ZNF574: variants seen among roughly 807,000 people sequenced by gnomAD.
ZNF574 encodes the protein zinc finger protein 574.
ZNF574 carries 25 observed loss-of-function variants against 56.6 expected under a neutral mutation model. That is an observed-to-expected ratio of 0.44 (90% CI 0.32 to 0.62). The LOEUF is 0.62. ZNF574 is among the 20% of genes least tolerant of loss of function. ZNF574 has a pLI of 0.04. For missense variants in ZNF574, 1,065 were observed against 1,218.9 expected (o/e 0.87, Z 1.88); for synonymous variants, 543 against 492.1 (o/e 1.10, Z -1.37).
In ZNF574 at chr19:42,079,047, G is replaced by C. The variant is rs376853455; in HGVS notation, c.441G>C (p.Thr147=). Residue 147 remains threonine (T), a synonymous_variant, in exon 2 of 2, where the codon ACG becomes ACC. Transcript: ENST00000359044. The surrounding 1 kb of genome is among the most constrained non-coding windows in gnomAD (Gnocchi z 4.3). ...SQELWLNHRQ[T]HLRATPTKAP... ...AGCTCTGGCTGAACCACCGGCAGAC[G>C]CACCTCCGGGCCACACCCACCAAGG... 1 of 1,614,034 alleles carries C rather than the reference G, an allele frequency of 6.2e-7. No homozygotes were observed. Among genetic ancestry groups the C allele is most frequent in the Non-Finnish European group, 8.5e-7 (1 of 1,180,020 alleles).
Position 42,080,136 on chromosome 19 carries a change from G to C in ZNF574, c.1530G>C (p.Val510=). The part of the protein sequence containing the change: ...CGKMFKKKSH[V]RNHLRTHTGE... ...AGATGTTCAAGAAGAAGTCTCACGT[G>C]CGTAACCACCTGCGCACACACACAG... Residue 510 remains valine, a synonymous_variant, in exon 2 of 2, where the codon GTG becomes GTC. Transcript: ENST00000359044. This position sits in a 1 kb window ranked among gnomAD's most constrained non-coding sequence, Gnocchi z 8.5. The C allele has an allele frequency of 6.2e-7, 1 of 1,614,084 alleles. No individual in the cohort carries two copies. Among genetic ancestry groups the C allele is most frequent in the Non-Finnish European group, 8.5e-7 (1 of 1,180,040 alleles).
upstream of ZNF574, among the ~76,000 whole-genome samples, chr19:42,075,784 C>A (rs1171491701): frequency 7.9e-6 from 1 of 127,332 alleles, no homozygotes; most frequent in Non-Finnish European, 1.9e-5. Context: ...CTGTCCCCAA[C>A]GCTGACTCCC....
exon 1 of ZNF574, chr19:42,068,728 G>C: frequency 4.0e-6 from 2 of 501,638 alleles, no homozygotes; most frequent in South Asian, 5.8e-5. Context: ...AGAGCAACCT[G>C]GGCTAACAGC....
chr19:42,077,090 G>A (rs1344332576), intron 1 of ZNF574, among the ~76,000 whole-genome samples: 2 of 152,072 alleles, frequency 1.3e-5, no homozygotes, highest in Non-Finnish European at 2.9e-5. Flanking sequence ...AGATCTGTGT[G>A]CTAAAGTGAG....
Position 42,080,774 on chromosome 19 carries a change from G to A in ZNF574, c.2168G>A (p.Ser723Asn), listed in dbSNP as rs1026896800. The change falls in exon 2 of 2, where the codon AGC (serine) becomes AAC (asparagine). Residue 723 changes from serine to asparagine, a missense_variant. Coordinates refer to ENST00000359044, the MANE Select transcript of ZNF574 (RefSeq NM_022752.6). The surrounding 1 kb of genome is among the most constrained non-coding windows in gnomAD (Gnocchi z 8.5). ...APVASPAALGSTATASPAAPA... is the reference protein window; with the variant it reads ...APVASPAALGNTATASPAAPA... Reference sequence around the variant, plus strand: ...GTTGCCTCTCCAGCAGCCCTTGGAAGCACTGCTACAGCATCCCCTGCGGCC... The same window carrying A: ...GTTGCCTCTCCAGCAGCCCTTGGAAACACTGCTACAGCATCCCCTGCGGCC... The A allele has an allele frequency of 6.2e-7, 1 of 1,613,868 alleles. No homozygotes were observed. Among genetic ancestry groups the A allele is most frequent in the African/African-American group, 1.3e-5 (1 of 74,938 alleles).
chr19:42,076,014 G>A (rs2076452444), upstream of ZNF574, among the ~76,000 whole-genome samples: 1 of 152,240 alleles, frequency 6.6e-6, no homozygotes, highest in African/African-American at 2.4e-5. Flanking sequence ...GGGGAATCTC[G>A]ACGCTCCTCA....
chr19:42,078,726 C>T lies in ZNF574; in HGVS notation c.120C>T (p.Pro40=). 1 of 1,614,090 alleles carries T rather than the reference C, an allele frequency of 6.2e-7. No individual in the cohort carries two copies. The highest frequency in any genetic ancestry group is 8.5e-7 in the Non-Finnish European group (1 of 1,179,982). The change falls in exon 2 of 2, where the codon CCC becomes CCT. Residue 40 remains proline, a synonymous_variant. Coordinates refer to ENST00000359044, the MANE Select transcript of ZNF574 (RefSeq NM_022752.6). ...EVLMHQNSHV[P]QQHFELVGVA... is the part of the protein sequence containing the mutation. ...TTATGCACCAAAACTCCCACGTGCCCCAGCAGCACTTTGAGCTGGTGGGCG... is the reference window on the plus strand; with the variant it reads ...TTATGCACCAAAACTCCCACGTGCCTCAGCAGCACTTTGAGCTGGTGGGCG...
upstream of ZNF574, among the ~76,000 whole-genome samples, chr19:42,075,962 G>A (rs938952220): frequency 6.6e-6 from 1 of 152,228 alleles, no homozygotes; most frequent in Non-Finnish European, 1.5e-5. Context: ...CCCGAGGGCT[G>A]ACCGGTGAGG....
chr19:42,078,636 G>A lies in ZNF574; in HGVS notation c.30G>A (p.Leu10=), dbSNP rs756661775. MTEESEETV[L]YIEHRYVCSE... ...CTGAGGAATCAGAGGAGACAGTCCT[G>A]TACATTGAGCACCGCTATGTCTGCT... Residue 10 remains leucine, a synonymous_variant, in exon 2 of 2, where the codon CTG becomes CTA. Transcript: ENST00000359044. 7 of 1,613,824 alleles carry A rather than the reference G, an allele frequency of 4.3e-6. No homozygotes were observed. The highest frequency in any genetic ancestry group is 3.3e-5 in the Admixed American group (2 of 59,992).
At chr19:42,070,805 A>G (rs1175676510) in intron 1 of ZNF574, 2 of 152,646 alleles carry the variant, frequency 1.3e-5, no homozygotes, top group Non-Finnish European at 2.9e-5. Context: ...CTCCTCAGAT[A>G]TGGGGAGCGG....
In ZNF574 at chr19:42,080,582, C is replaced by A. The variant is rs757232526; in HGVS notation, c.1976C>A (p.Ala659Asp). 1.2e-6 allele frequency: 2 copies of A among 1,612,974 alleles called. No individual in the cohort carries two copies. Among genetic ancestry groups the A allele is most frequent in the South Asian group, 2.2e-5 (2 of 91,066 alleles). The change falls in exon 2 of 2, where the codon GCT becomes GAT. Residue 659 changes from alanine to aspartate, a missense_variant. Coordinates refer to ENST00000359044, the MANE Select transcript of ZNF574 (RefSeq NM_022752.6). This position sits in a 1 kb window ranked among gnomAD's most constrained non-coding sequence, Gnocchi z 8.5. ...LRLREHRCAA[A>D]AAQAPRRFEC... ...CTCCGGGAGCACCGCTGTGCAGCCG[C>A]TGCTGCCCAGGCCCCACGGCGCTTT...
chr19:42,078,524 A>T, intron 1 of ZNF574, 63 bp from the exon 2 acceptor site: 1 of 1,411,038 alleles, frequency 7.1e-7, no homozygotes, highest in Non-Finnish European at 9.7e-7. Flanking sequence ...GTGGAGAGTG[A>T]TGAAGGGAAG....
At chr19:42,069,974 G>T (rs1013446402) in intron 1 of ZNF574, among the ~76,000 whole-genome samples, 1 of 152,066 alleles carries the variant, frequency 6.6e-6, no homozygotes, top group Non-Finnish European at 1.5e-5. Flanking sequence ...GGAGCAGGTG[G>T]AAGAGAAAGG....
rs748914357 is a variant in ZNF574, at chr19:42,080,082, G to C, written c.1476G>C (p.Glu492Asp). ...ACCAACGTTTTGTGCATCGGCTGGA[G>C]CGGCGCCATAAATGCAGCATTTGTG... Reference protein sequence around the residue: ...TRHQRFVHRLERRHKCSICGK... With the variant: ...TRHQRFVHRLDRRHKCSICGK... Residue 492 changes from glutamate to aspartate, a missense_variant, in exon 2 of 2, where the codon GAG (glutamate) becomes GAC (aspartate). Glu to Asp is a conservative substitution (Grantham distance 45). Transcript: ENST00000359044. This position sits in a 1 kb window ranked among gnomAD's most constrained non-coding sequence, Gnocchi z 8.5. The C allele has an allele frequency of 6.2e-7, 1 of 1,614,128 alleles. No homozygotes were observed. Among genetic ancestry groups the C allele is most frequent in the Non-Finnish European group, 8.5e-7 (1 of 1,180,032 alleles).
At position 42,079,698 on chromosome 19, in the gene ZNF574, C is replaced by T; in HGVS notation, c.1092C>T (p.Phe364=). ...GAGACCATAGCAGCGAGTCACACTT[C>T]CTGTGTGTAGACTGTGGCCTGGCCT... ...HLGDHSSESH[F]LCVDCGLAFG... Residue 364 remains phenylalanine, a synonymous_variant, in exon 2 of 2, where the codon TTC becomes TTT. Transcript: ENST00000359044. The surrounding 1 kb of genome is among the most constrained non-coding windows in gnomAD (Gnocchi z 4.3). 1 of 1,614,186 alleles carries T rather than the reference C, an allele frequency of 6.2e-7. No individual in the cohort carries two copies. Among genetic ancestry groups the T allele is most frequent in the South Asian group, 1.1e-5 (1 of 91,086 alleles).
chr19:42,080,531 G>C lies in ZNF574; in HGVS notation c.1925G>C (p.Gly642Ala). 2 of 1,613,444 alleles carry C rather than the reference G, an allele frequency of 1.2e-6. No individual in the cohort carries two copies. Among genetic ancestry groups the C allele is most frequent in the Non-Finnish European group, 1.7e-6 (2 of 1,179,854 alleles). Residue 642 changes from glycine to alanine, a missense_variant, in exon 2 of 2, where the codon GGG becomes GCG. Coordinates refer to ENST00000359044, the MANE Select transcript of ZNF574 (RefSeq NM_022752.6). The surrounding 1 kb of genome is among the most constrained non-coding windows in gnomAD (Gnocchi z 8.5). ...GRQPHRCPSC[G>A]AAFPSSLRLR... ...CAGCCCCACCGCTGCCCATCCTGTG[G>C]GGCTGCCTTCCCCTCCTCACTGCGG...
Position 42,080,752 on chromosome 19 carries a change from G to A in ZNF574, c.2146G>A (p.Ala716Thr). 2 of 1,613,948 alleles carry A rather than the reference G, an allele frequency of 1.2e-6. No individual in the cohort carries two copies. Among genetic ancestry groups the A allele is most frequent in the Non-Finnish European group, 1.7e-6 (2 of 1,180,030 alleles). The change falls in exon 2 of 2, where the codon GCC becomes ACC. Residue 716 changes from alanine to threonine, a missense_variant. Transcript: ENST00000359044. This position sits in a 1 kb window ranked among gnomAD's most constrained non-coding sequence, Gnocchi z 8.5. ...RAPRATRAPV[A>T]SPAALGSTAT... ...CCCACGGGCCACTCGTGCACCAGTT[G>A]CCTCTCCAGCAGCCCTTGGAAGCAC...
chr19:42,075,437 C>T (rs1265688955), upstream of ZNF574, among the ~76,000 whole-genome samples: 1 of 152,168 alleles, frequency 6.6e-6, no homozygotes, highest in Non-Finnish European at 1.5e-5. Context: ...GAAATTGTCC[C>T]TGCTTCTTTT....
Position 42,080,649 on chromosome 19 carries a change from A to G in ZNF574, c.2043A>G (p.Arg681=). Residue 681 remains arginine, a synonymous_variant, in exon 2 of 2, where the codon CGA becomes CGG. Coordinates refer to ENST00000359044, the MANE Select transcript of ZNF574 (RefSeq NM_022752.6). The surrounding 1 kb of genome is among the most constrained non-coding windows in gnomAD (Gnocchi z 8.5). ...GCAAGAAAGTGGGCTCAGCTGCTCG[A>G]CTGCAGGCACACGAGGCGGCCCATG... ...TCGKKVGSAA[R]LQAHEAAHAA... is the part of the protein sequence containing the mutation. The G allele has an allele frequency of 6.2e-7, 1 of 1,613,056 alleles. No homozygotes were observed. The highest frequency in any genetic ancestry group is 8.5e-7 in the Non-Finnish European group (1 of 1,179,888).
Sources: allele counts gnomAD v4.1 joint callset (sites outside exome capture counted in the v4.1 genomes callset), GRCh38; gene constraint gnomAD v4.1.1; non-coding constraint Gnocchi (gnomAD v3.1); transcripts MANE v1.5; gene names NCBI Gene and HGNC (gene_info 2026-07-23, HGNC 2026-07-21).